TOPBP1: variants seen among roughly 807,000 people sequenced by gnomAD.
TOPBP1 encodes the protein DNA topoisomerase 2-binding protein 1.
TOPBP1 carries 28 observed loss-of-function variants against 167.7 expected under a neutral mutation model. The observed-to-expected ratio is 0.17, with a 90% CI of 0.12 to 0.23. TOPBP1 has a LOEUF of 0.23. Among genes scored for constraint, TOPBP1 ranks in the 10% least tolerant of loss-of-function variants. The pLI is 1.00. For synonymous variants in TOPBP1, 598 were observed against 611.4 expected, an observed-to-expected ratio of 0.98 and a Z score of 0.32; for missense variants, 1,554 against 1,809.6, an observed-to-expected ratio of 0.86 and a Z score of 2.56.
chr3:133,634,072 G>A (rs1935583745), intron 14 of TOPBP1, among the ~76,000 whole-genome samples: 2 of 152,196 alleles, frequency 1.3e-5, no homozygotes, highest in South Asian at 4.1e-4. Context: ...GTTTGGACTG[G>A]CAACTCCATT....
At chr3:133,602,894 T>TC (rs1231524210) in intron 27 of TOPBP1, among the ~76,000 whole-genome samples, 1 of 143,852 alleles carries the variant, frequency 7.0e-6, no homozygotes. Flanking sequence ...CTTTTTTCAT[T>TC]TTTTTTTTTT....
intron 27 of TOPBP1, among the ~76,000 whole-genome samples, chr3:133,607,551 T>C (rs1934532810): frequency 1.3e-5 from 2 of 151,958 alleles, no homozygotes; most frequent in African/African-American, 4.8e-5. Context: ...AGATTGAGCA[T>C]CTCAAATCCA....
In TOPBP1 at chr3:133,601,367, G is replaced by A. The variant is rs1934291276; in HGVS notation, c.4452C>T (p.Tyr1484=). The A allele has an allele frequency of 1.3e-6, 2 of 1,555,000 alleles. No individual in the cohort carries two copies. The highest frequency in any genetic ancestry group is 1.4e-5 in the African/African-American group (1 of 72,022). ...TAAATGAAATAGCTTCTGGTAGACA[G>A]TAATTTTCTACATGAGGAGGTGATT... ...MQESPPHVEN[Y]CLPEAISFIQ... The change falls in exon 28 of 28, where the codon TAC becomes TAT. Residue 1484 remains tyrosine, a synonymous_variant. Coordinates refer to ENST00000260810, the MANE Select transcript of TOPBP1 (RefSeq NM_007027.4).
rs146840480 is a variant in TOPBP1, at chr3:133,647,297, C to T, written c.1504+2086G>A. The stretch of plus-strand genomic sequence containing the variant: ...ATATAGCTGGAGGTCTAAGAAACCT[C>T]CAGCCAATACACCAACTTAAAGGCA... On this transcript the variant is annotated intron_variant, in intron 10 of 27. Coordinates refer to ENST00000260810, the MANE Select transcript of TOPBP1 (RefSeq NM_007027.4). 1.1e-3 allele frequency among the ~76,000 whole-genome samples: 171 copies of T among 152,246 alleles called. 1 individual carries two copies. The highest frequency in any genetic ancestry group is 1.4e-3 in the Non-Finnish European group (97 of 68,006).
intron 19 of TOPBP1, among the ~76,000 whole-genome samples, chr3:133,621,998 AAAGGGAAAGG>A (rs1935103065): frequency 6.6e-6 from 1 of 151,614 alleles, no homozygotes; most frequent in Admixed American, 6.6e-5. Context: ...AGAAAGAAGG[AAAGGGAAAGG>A]AAGGGAAGAG....
At chr3:133,660,561 G>C (rs1366728319) in intron 2 of TOPBP1, among the ~76,000 whole-genome samples, 3 of 152,180 alleles carry the variant, frequency 2.0e-5, no homozygotes, top group Non-Finnish European at 4.4e-5. Context: ...CTGGGTTGGA[G>C]GCCAAGATTC....
chr3:133,636,882 A>T (rs1935696258), intron 14 of TOPBP1, among the ~76,000 whole-genome samples: 5 of 152,186 alleles, frequency 3.3e-5, no homozygotes, highest in African/African-American at 1.2e-4. Context: ...CTGAGTATTA[A>T]TCACAGTACA....
Position 133,628,650 on chromosome 3 carries a change from G to C in TOPBP1, c.2604C>G (p.Val868=). The change falls in exon 15 of 28, where the codon GTC becomes GTG. Residue 868 remains valine (V), a synonymous_variant. Coordinates refer to ENST00000260810, the MANE Select transcript of TOPBP1 (RefSeq NM_007027.4). ...TTGCCAAAGCAAGTTGCAAGTTTTT[G>C]ACAATAACTTCTGAGAGTGGCGTAC... ...KPSTPLSEVI[V]KNLQLALANS... The C allele has an allele frequency of 6.3e-7, 1 of 1,592,940 alleles. No homozygotes were observed. Among genetic ancestry groups the C allele is most frequent in the Non-Finnish European group, 8.6e-7 (1 of 1,168,952 alleles).
chr3:133,631,865 T>C (rs1935495806), intron 14 of TOPBP1, among the ~76,000 whole-genome samples: 1 of 151,902 alleles, frequency 6.6e-6, no homozygotes, highest in Admixed American at 6.6e-5. Flanking sequence ...CTTGAACTCC[T>C]GACCTCAGGT....
intron 27 of TOPBP1, among the ~76,000 whole-genome samples, chr3:133,607,604 T>C (rs147034768): frequency 6.6e-6 from 1 of 152,234 alleles, no homozygotes; most frequent in East Asian, 1.9e-4. Context: ...CGAGCACTTA[T>C]GTGATGCTCA....
chr3:133,656,222 T>G (rs1351054922), intron 5 of TOPBP1, among the ~76,000 whole-genome samples: 1 of 152,036 alleles, frequency 6.6e-6, no homozygotes, highest in African/African-American at 2.4e-5. Context: ...CAATTAGCAT[T>G]TATTAAATGA....
chr3:133,623,762 T>C (rs1048719416), intron 17 of TOPBP1, among the ~76,000 whole-genome samples: 4 of 152,216 alleles, frequency 2.6e-5, no homozygotes, highest in Non-Finnish European at 4.4e-5. Context: ...ACTCTATTGA[T>C]ATGTTAAATT....
intron 24 of TOPBP1, 111 bp from the exon 25 acceptor site, chr3:133,611,252 T>C: frequency 1.1e-6 from 1 of 941,194 alleles, no homozygotes. Context: ...GCTATACATT[T>C]AATTGTTACA....
chr3:133,656,634 T>A lies in TOPBP1; in HGVS notation c.545+42A>T, dbSNP rs1035409095. 4 of 1,532,748 alleles carry A rather than the reference T, an allele frequency of 2.6e-6. No homozygotes were observed. The East Asian group carries it at 9.3e-5, about 36-fold the overall frequency. The allele number at this position is 1,532,748 out of a possible 1,614,324, so 94.9% of individuals were successfully genotyped here. A position where few individuals can be genotyped will look rare whatever the true frequency, so the allele number is the denominator to read the frequency against. The stretch of plus-strand genomic sequence containing the variant: ...CACATGCCAAAAATGATTGAATGCA[T>A]CATTTTTTCAAATCTAGAAAATATA... On this transcript the variant is annotated intron_variant, in intron 5 of 27. Coordinates refer to ENST00000260810, the MANE Select transcript of TOPBP1 (RefSeq NM_007027.4).
chr3:133,660,276 C>T (rs1211496925), intron 2 of TOPBP1, among the ~76,000 whole-genome samples: 3 of 152,210 alleles, frequency 2.0e-5, no homozygotes, highest in African/African-American at 7.2e-5. Flanking sequence ...GAAACATCCT[C>T]TGGAACCCCT....
chr3:133,603,172 A>G (rs912751500), intron 27 of TOPBP1, among the ~76,000 whole-genome samples: 1 of 152,220 alleles, frequency 6.6e-6, no homozygotes. Context: ...CTGGGATTAC[A>G]GGCGTGAGCC....
chr3:133,649,987 C>A, intron 8 of TOPBP1, 44 bp from the exon 9 acceptor site: 1 of 1,441,080 alleles, frequency 6.9e-7, no homozygotes, highest in Non-Finnish European at 9.1e-7. Context: ...TGCTTTCTCT[C>A]AATAGAAAAA....
At chr3:133,626,412 G>T (rs975756920) in intron 16 of TOPBP1, among the ~76,000 whole-genome samples, 1 of 152,146 alleles carries the variant, frequency 6.6e-6, no homozygotes, top group Non-Finnish European at 1.5e-5. Flanking sequence ...CTGGGGAACA[G>T]TCATACATAT....
At chr3:133,642,792 A>C (rs1935938964) in intron 12 of TOPBP1, among the ~76,000 whole-genome samples, 1 of 152,292 alleles carries the variant, frequency 6.6e-6, no homozygotes, top group Middle Eastern at 3.4e-3. Context: ...ATCCACTATC[A>C]TGTTACCCTG....
Sources: gnomAD v4.1 joint callset for allele counts (sites outside exome capture counted in the v4.1 genomes callset) on GRCh38, gnomAD v4.1.1 for gene constraint, MANE v1.5 for transcripts, NCBI Gene and HGNC (gene_info 2026-07-23, HGNC 2026-07-21) for gene names.